P2RY8: variants seen among roughly 807,000 people sequenced by gnomAD.
The protein encoded by P2RY8 is P2Y receptor family member 8, also known as S-geranylgeranyl-glutathione receptor P2RY8.
In P2RY8, 6 loss-of-function variants were observed where a neutral mutation model predicts 10.0. The observed-to-expected ratio is 0.60, with a 90% CI of 0.33 to 1.19. The LOEUF (loss-of-function observed/expected upper bound fraction) is 1.19, where lower values mean the gene tolerates loss of function less well. P2RY8 is among the 50% of genes most tolerant of loss of function. P2RY8 has a pLI of 0.04. For missense variants in P2RY8, 456 were observed against 542.0 expected (o/e 0.84, Z 1.58); for synonymous variants, 276 against 252.5 (o/e 1.09, Z -0.88).
At chrX:1,477,330 A>G (rs1329634857) in intron 1 of P2RY8, among the ~76,000 whole-genome samples, 1 of 152,174 alleles carries the variant, frequency 6.6e-6, no homozygotes, top group African/African-American at 2.4e-5. Context: ...TCTATCATCT[A>G]TCTATATCAA....
At position 1,464,319 on chromosome X, in the gene P2RY8, G is replaced by A. The variant is rs773678456; in HGVS notation, c.*1160C>T. 84 of 233,566 alleles carry A rather than the reference G, an allele frequency of 3.6e-4. No homozygotes were observed. The highest frequency in any genetic ancestry group is 1.7e-3 in the African/African-American group (77 of 45,488). 14.5% of individuals were successfully genotyped at this position (233,566 alleles called of 1,614,324 possible). ...TGGTGCAGGCACATGCCGTGTAGAA[G>A]AAGACAGACAAAGACCCAGCCTGCT... On this transcript the variant is annotated 3_prime_UTR_variant, in exon 2 of 2. Transcript: ENST00000381297.
At chrX:1,469,947 C>T (rs188338037) in intron 1 of P2RY8, among the ~76,000 whole-genome samples, 6 of 152,128 alleles carry the variant, frequency 3.9e-5, no homozygotes, top group African/African-American at 1.2e-4. Flanking sequence ...TTTACCAAGA[C>T]GTGAGTTACG....
At position 1,504,929 on chromosome X, in the gene P2RY8, G is replaced by A. The variant is rs113456312; in HGVS notation, c.-25+31992C>T. Among the ~76,000 whole-genome samples the A allele has an allele frequency of 5.3e-5, 8 of 152,122 alleles. No individual in the cohort carries two copies. In the South Asian group the frequency reaches 1.5e-3, roughly 28 times the overall value. On this transcript the variant is annotated intron_variant, in intron 1 of 1. Transcript: ENST00000381297. ...GGGTGGATCACAAGGTCAGGAGATC[G>A]AGACCATCCTGGCTAACACGGTGAA...
At chrX:1,496,956 C>T (rs768844237) in intron 1 of P2RY8, among the ~76,000 whole-genome samples, 4 of 150,616 alleles carry the variant, frequency 2.7e-5, no homozygotes, top group South Asian at 2.1e-4. Flanking sequence ...TGGTGGCTCA[C>T]GCCTGTAATC....
At chrX:1,529,587 C>T (rs1208798343) in intron 1 of P2RY8, among the ~76,000 whole-genome samples, 1 of 152,012 alleles carries the variant, frequency 6.6e-6, no homozygotes, top group African/African-American at 2.4e-5. Flanking sequence ...ACAGAGAATC[C>T]TCCAGCCCTA....
At chrX:1,470,800 T>G (rs1172836554) in intron 1 of P2RY8, among the ~76,000 whole-genome samples, 1 of 151,958 alleles carries the variant, frequency 6.6e-6, no homozygotes, top group Non-Finnish European at 1.5e-5. Context: ...ATTCTGTTTA[T>G]TCATTCTCCT....
intron 1 of P2RY8, among the ~76,000 whole-genome samples, chrX:1,482,189 G>A (rs865829248): frequency 1.6e-5 from 2 of 127,284 alleles, no homozygotes; most frequent in African/African-American, 5.4e-5. Flanking sequence ...GTGTGTGTGT[G>A]TATGGGTGAG....
At chrX:1,486,664 G>C (rs1287714155) in intron 1 of P2RY8, among the ~76,000 whole-genome samples, 2 of 152,220 alleles carry the variant, frequency 1.3e-5, no homozygotes, top group African/African-American at 4.8e-5. Flanking sequence ...CCAGCACTGT[G>C]AAGGTCCTAA....
At chrX:1,493,442 GGAGGAA>G (rs1221204913) in intron 1 of P2RY8, among the ~76,000 whole-genome samples, 12 of 105,926 alleles carry the variant, frequency 1.1e-4, no homozygotes, top group East Asian at 4.1e-4. Context: ...GAGGGAAGGA[GGAGGAA>G]GGAGGAAGGA....
chrX:1,463,131 G>A lies in P2RY8; in HGVS notation c.*2348C>T, dbSNP rs1323681528. The A allele has an allele frequency of 8.2e-5, 19 of 232,998 alleles. No individual in the cohort carries two copies. Among genetic ancestry groups the A allele is most frequent in the Non-Finnish European group, 1.3e-4 (15 of 118,022 alleles). 14.4% of individuals were successfully genotyped at this position (232,998 alleles called of 1,614,324 possible). A position where few individuals can be genotyped will look rare whatever the true frequency, so the allele number is the denominator to read the frequency against. ...TTACAAGGCAGTTTAGGGATCGTCC[G>A]TGCGTTACTGTGAAGATGCTACTCT... On this transcript the variant is annotated 3_prime_UTR_variant, in exon 2 of 2. Transcript: ENST00000381297.
intron 1 of P2RY8, among the ~76,000 whole-genome samples, chrX:1,528,361 G>A (rs1569538821): frequency 2.0e-5 from 3 of 152,236 alleles, no homozygotes; most frequent in African/African-American, 7.2e-5. Flanking sequence ...CCTTGCTGGA[G>A]AGTGGGTTCC....
intron 1 of P2RY8, among the ~76,000 whole-genome samples, chrX:1,530,927 CATGTATCT>C (rs1444274314): frequency 1.6e-4 from 24 of 151,416 alleles, no homozygotes; most frequent in African/African-American, 5.8e-4. Flanking sequence ...CTAATCTATG[CATGTATCT>C]ATGTATCTAT....
chrX:1,493,391 GGGAGGGAAGGA>G, intron 1 of P2RY8, among the ~76,000 whole-genome samples: 1 of 45,720 alleles, frequency 2.2e-5, no homozygotes, highest in South Asian at 1.2e-3. Context: ...GAAGGAGGGA[GGGAGGGAAGGA>G]GGAAGGAGGA....
intron 1 of P2RY8, among the ~76,000 whole-genome samples, chrX:1,522,612 C>T (rs1218343614): frequency 6.6e-6 from 1 of 151,978 alleles, no homozygotes; most frequent in Admixed American, 6.6e-5. Flanking sequence ...GGCAACATAG[C>T]AAGACACTTT....
chrX:1,530,186 A>G (rs1242050001), intron 1 of P2RY8, among the ~76,000 whole-genome samples: 2 of 147,916 alleles, frequency 1.4e-5, no homozygotes, highest in Non-Finnish European at 3.0e-5. Context: ...CTATCTATCT[A>G]TCTATCTATC....
At chrX:1,473,185 ATGGATGGGTGGG>A (rs1419927702) in intron 1 of P2RY8, among the ~76,000 whole-genome samples, 2 of 129,352 alleles carry the variant, frequency 1.5e-5, no homozygotes, top group Non-Finnish European at 3.3e-5. Flanking sequence ...GGATGGGTGG[ATGGATGGGTGGG>A]TGGATGGATA....
At chrX:1,508,171 A>G (rs1302128112) in intron 1 of P2RY8, among the ~76,000 whole-genome samples, 1 of 152,174 alleles carries the variant, frequency 6.6e-6, no homozygotes, top group Non-Finnish European at 1.5e-5. Context: ...GAGTGTCTCT[A>G]AAACCATGGA....
intron 1 of P2RY8, among the ~76,000 whole-genome samples, chrX:1,528,591 T>C (rs1189522771): frequency 1.3e-5 from 2 of 150,420 alleles, no homozygotes; most frequent in Middle Eastern, 3.4e-3. Context: ...TGGATTTGAG[T>C]CTCTTTGAAT....
chrX:1,516,217 A>AAC (rs1357015640), intron 1 of P2RY8, among the ~76,000 whole-genome samples: 691 of 4,518 alleles, frequency 0.15, 6 homozygotes, highest in East Asian at 0.5. Flanking sequence ...AAACAACAAC[A>AAC]AAAAAAAAAC....
Sources: allele counts gnomAD v4.1 joint callset (sites outside exome capture counted in the v4.1 genomes callset), GRCh38; gene constraint gnomAD v4.1.1; transcripts MANE v1.5; gene names NCBI Gene and HGNC (gene_info 2026-07-23, HGNC 2026-07-21).